RANBP2: variants seen among roughly 807,000 people sequenced by gnomAD.
RANBP2 encodes the protein E3 SUMO-protein ligase RanBP2.
In RANBP2, 57 loss-of-function variants were observed where a neutral mutation model predicts 303.6. That is an observed-to-expected ratio of 0.19 (90% CI 0.15 to 0.23). The LOEUF is 0.23. Ranked by LOEUF, RANBP2 falls within the 10% of genes least tolerant of loss-of-function variation. The pLI is 1.00. For missense variants in RANBP2, 3,138 were observed against 3,780.8 expected (o/e 0.83, Z 4.46); for synonymous variants, 1,167 against 1,301.5 (o/e 0.90, Z 2.23).
At chr2:109,226,788 C>T in the RANBP2 span, among the ~76,000 whole-genome samples, 26 of 152,176 alleles carry the variant, frequency 1.7e-4, no homozygotes, top group Non-Finnish European at 2.6e-4. Context: ...CATTAAGGAA[C>T]TTGTGGCTTA....
the RANBP2 span, among the ~76,000 whole-genome samples, chr2:109,651,236 T>C: frequency 4.6e-5 from 7 of 152,154 alleles, no homozygotes; most frequent in Non-Finnish European, 7.3e-5. Context: ...TGTGAATGTC[T>C]TCTGTGGAAG....
At chr2:109,433,544 C>T in the RANBP2 span, among the ~76,000 whole-genome samples, 1 of 152,188 alleles carries the variant, frequency 6.6e-6, no homozygotes, top group Non-Finnish European at 1.5e-5. Flanking sequence ...CACACAGAAG[C>T]GAAAGACGTG....
chr2:108,977,311 C>A, the RANBP2 span, among the ~76,000 whole-genome samples: 1 of 152,178 alleles, frequency 6.6e-6, no homozygotes, highest in East Asian at 1.9e-4. Context: ...CTCTGTCGCC[C>A]AGGCTGGAAT....
Position 108,782,626 on chromosome 2 carries a change from A to G in RANBP2, c.9133A>G (p.Met3045Val). 1.2e-6 allele frequency: 2 copies of G among 1,614,226 alleles called. No individual in the cohort carries two copies. Among genetic ancestry groups the G allele is most frequent in the Non-Finnish European group, 8.5e-7 (1 of 1,180,036 alleles). Residue 3045 changes from methionine (M) to valine (V), a missense_variant, in exon 28 of 29, where the codon ATG (methionine) becomes GTG (valine). This residue lies in a region of RANBP2 where 204 missense variants were observed against 228.4 expected (regional missense o/e 0.89). Coordinates refer to ENST00000283195, the MANE Select transcript of RANBP2 (RefSeq NM_006267.5). ...KTFEECQQNL[M>V]KLQKGHVSLA... The stretch of plus-strand genomic sequence containing the variant: ...ATTTGAAGAATGTCAGCAGAATTTA[A>G]TGAAACTCCAGAAAGGACATGTATC...
the RANBP2 span, chr2:109,449,413 G>C: frequency 1.9e-6 from 3 of 1,613,628 alleles, no homozygotes; most frequent in Non-Finnish European, 2.5e-6. Context: ...GAGGCTGGAG[G>C]GGGGCCCATC....
downstream of RANBP2, chr2:108,786,800 GACTGGT>G (rs1426569414): frequency 8.9e-6 from 14 of 1,572,550 alleles, no homozygotes; most frequent in Admixed American, 5.7e-5. Flanking sequence ...TTCCCGGGGA[GACTGGT>G]ACGGTTGCTG....
At chr2:109,133,534 T>A in the RANBP2 span, among the ~76,000 whole-genome samples, 1 of 152,200 alleles carries the variant, frequency 6.6e-6, no homozygotes, top group Non-Finnish European at 1.5e-5. Flanking sequence ...TCACCTTTTA[T>A]GATTTTCTAT....
chr2:108,880,199 A>G, the RANBP2 span, among the ~76,000 whole-genome samples: 1 of 122,568 alleles, frequency 8.2e-6, no homozygotes, highest in Non-Finnish European at 1.7e-5. Context: ...CTTAAAAAAA[A>G]AAAACAACAA....
At chr2:109,013,033 C>T in the RANBP2 span, among the ~76,000 whole-genome samples, 1 of 152,222 alleles carries the variant, frequency 6.6e-6, no homozygotes, top group Non-Finnish European at 1.5e-5. Flanking sequence ...AAACTCCATG[C>T]TCACCACAGG....
the RANBP2 span, among the ~76,000 whole-genome samples, chr2:109,035,261 A>G: frequency 6.6e-6 from 1 of 152,198 alleles, no homozygotes; most frequent in African/African-American, 2.4e-5. Context: ...AAATATGACA[A>G]ACAGAGGAAA....
the RANBP2 span, among the ~76,000 whole-genome samples, chr2:109,608,174 G>C: frequency 6.6e-6 from 1 of 152,126 alleles, no homozygotes; most frequent in Non-Finnish European, 1.5e-5. Context: ...CTAATTTAGA[G>C]CTCAAGGCAA....
chr2:109,161,519 G>A, the RANBP2 span, among the ~76,000 whole-genome samples: 1 of 151,802 alleles, frequency 6.6e-6, no homozygotes, highest in Non-Finnish European at 1.5e-5. Context: ...TGTTTCCTGG[G>A]GAGGGGAACA....
the RANBP2 span, among the ~76,000 whole-genome samples, chr2:109,777,874 G>C: frequency 7.3e-6 from 1 of 137,414 alleles, no homozygotes; most frequent in Non-Finnish European, 1.6e-5. Context: ...AGGATTATAA[G>C]GAAGAAATAA....
chr2:109,449,721 C>T, the RANBP2 span, among the ~76,000 whole-genome samples: 1 of 152,234 alleles, frequency 6.6e-6, no homozygotes, highest in Admixed American at 6.5e-5. Context: ...AGTCCAGCTA[C>T]ATTTCTCATG....
chr2:109,051,562 A>G, the RANBP2 span, among the ~76,000 whole-genome samples: 1 of 152,308 alleles, frequency 6.6e-6, no homozygotes, highest in East Asian at 1.9e-4. Context: ...AATAGTTGGC[A>G]TAAGTGAGCC....
chr2:108,764,669 A>G lies in RANBP2; in HGVS notation c.4130A>G (p.Asn1377Ser). 6.2e-7 allele frequency: 1 copy of G among 1,614,066 alleles called. No individual in the cohort carries two copies. Among genetic ancestry groups the G allele is most frequent in the Non-Finnish European group, 8.5e-7 (1 of 1,179,962 alleles). ...GCTAAGAAATGTGTATCATGCCAAA[A>G]TCTAAACCCAAGCAATAAAGAGCTC... ...STAKKCVSCQ[N>S]LNPSNKELVG... The change falls in exon 20 of 29, where the codon AAT becomes AGT. Residue 1377 changes from asparagine to serine, a missense_variant. Physicochemically the swap from Asn to Ser is conservative, Grantham distance 46. Transcript: ENST00000283195.
the RANBP2 span, among the ~76,000 whole-genome samples, chr2:109,288,485 A>G: frequency 6.6e-6 from 1 of 152,186 alleles, no homozygotes; most frequent in Non-Finnish European, 1.5e-5. Flanking sequence ...CATTAAGGAA[A>G]TTATTTCCTC....
the RANBP2 span, among the ~76,000 whole-genome samples, chr2:109,153,448 T>C: frequency 6.6e-6 from 1 of 152,162 alleles, no homozygotes; most frequent in African/African-American, 2.4e-5. Context: ...GAGAAAGAAG[T>C]AACGAAGGTA....
chr2:109,001,813 C>T, the RANBP2 span, among the ~76,000 whole-genome samples: 1 of 152,158 alleles, frequency 6.6e-6, no homozygotes, highest in African/African-American at 2.4e-5. Flanking sequence ...TCACTGCAAG[C>T]TCCGCCTCCT....
Sources: gnomAD v4.1 joint callset for allele counts (sites outside exome capture counted in the v4.1 genomes callset) on GRCh38, gnomAD v4.1.1 for gene constraint, gnomAD v4.1.1 regional missense constraint, MANE v1.5 for transcripts, NCBI Gene and HGNC (gene_info 2026-07-23, HGNC 2026-07-21) for gene names.